The following NECAB1 variants were observed in gnomAD, a reference collection of about 807,000 sequenced individuals.
NECAB1 encodes the protein N-terminal EF-hand calcium-binding protein 1.
A neutral mutation model predicts 57.5 loss-of-function variants in NECAB1; 29 were observed. The observed-to-expected ratio is 0.50, with a 90% CI of 0.38 to 0.69. The LOEUF is 0.69. Ranked by LOEUF, NECAB1 falls within the 30% of genes least tolerant of loss-of-function variation. The probability of loss-of-function intolerance (pLI) is 0.00; values close to 1 mark genes in which losing one functional copy is unlikely to be tolerated. For synonymous variants in NECAB1, 142 were observed against 147.7 expected, an observed-to-expected ratio of 0.96 and a Z score of 0.28; for missense variants, 372 against 413.8, an observed-to-expected ratio of 0.90 and a Z score of 0.88.
intron 5 of NECAB1, among the ~76,000 whole-genome samples, chr8:90,896,487 C>T (rs947729132): frequency 1.1e-4 from 16 of 152,060 alleles, no homozygotes; most frequent in Admixed American, 3.3e-4. Context: ...TGCCTGTAGT[C>T]CCAGCTACTC....
chr8:90,877,954 C>A (rs768651968), intron 4 of NECAB1, among the ~76,000 whole-genome samples: 1 of 152,124 alleles, frequency 6.6e-6, no homozygotes, highest in African/African-American at 2.4e-5. Context: ...AGGTTAAGTC[C>A]TATTCATCTG....
chr8:90,842,042 G>C (rs371454824), intron 3 of NECAB1, among the ~76,000 whole-genome samples: 1 of 152,278 alleles, frequency 6.6e-6, no homozygotes, highest in South Asian at 2.1e-4. Context: ...GGGAGGGTGA[G>C]GGTGAGAGGA....
intron 1 of NECAB1, among the ~76,000 whole-genome samples, chr8:90,792,993 G>T (rs988228636): frequency 1.3e-5 from 2 of 152,140 alleles, no homozygotes; most frequent in African/African-American, 4.8e-5. Context: ...AGGCATGATA[G>T]AAAATGTCAA....
intron 3 of NECAB1, among the ~76,000 whole-genome samples, chr8:90,848,460 C>CA (rs1812610478): frequency 6.6e-6 from 1 of 152,170 alleles, no homozygotes; most frequent in African/African-American, 2.4e-5. Flanking sequence ...GGTATCTTTA[C>CA]AGCAGCACCC....
At chr8:90,942,129 A>G (rs1018570649) in intron 10 of NECAB1, among the ~76,000 whole-genome samples, 8 of 152,216 alleles carry the variant, frequency 5.3e-5, no homozygotes, top group Non-Finnish European at 4.4e-5. Context: ...GGAAATAAAC[A>G]TGGAATTTTA....
At chr8:90,847,710 C>T (rs1225689831) in intron 3 of NECAB1, among the ~76,000 whole-genome samples, 2 of 152,258 alleles carry the variant, frequency 1.3e-5, no homozygotes, top group African/African-American at 2.4e-5. Flanking sequence ...ACAGGCCCAA[C>T]ACCACATGTA....
intron 3 of NECAB1, among the ~76,000 whole-genome samples, chr8:90,852,173 T>C (rs1812696406): frequency 6.6e-6 from 1 of 152,220 alleles, no homozygotes; most frequent in Non-Finnish European, 1.5e-5. Context: ...ATTATATGAA[T>C]GTCCATTAAG....
chr8:90,928,819 T>A (rs1810337960), intron 8 of NECAB1, among the ~76,000 whole-genome samples: 1 of 152,222 alleles, frequency 6.6e-6, no homozygotes, highest in Admixed American at 6.5e-5. Flanking sequence ...GCAAGCAAGT[T>A]AGAATGTGAT....
intron 8 of NECAB1, among the ~76,000 whole-genome samples, chr8:90,930,299 CAG>C (rs368464017): frequency 3.5e-4 from 54 of 152,228 alleles, no homozygotes; most frequent in African/African-American, 1.2e-3. Flanking sequence ...GGGTTAAGAA[CAG>C]GGGGAGCTCA....
intron 3 of NECAB1, among the ~76,000 whole-genome samples, chr8:90,857,255 T>C (rs918280882): frequency 6.6e-6 from 1 of 152,122 alleles, no homozygotes; most frequent in African/African-American, 2.4e-5. Flanking sequence ...ACATAAGGCA[T>C]CTAAGAGGAT....
chr8:90,896,991 C>A (rs1809367407), intron 5 of NECAB1, among the ~76,000 whole-genome samples: 1 of 152,276 alleles, frequency 6.6e-6, no homozygotes, highest in South Asian at 2.1e-4. Flanking sequence ...GGGATAAGAA[C>A]CCCTTGCCCT....
At chr8:90,833,733 T>C (rs1254460059) in intron 3 of NECAB1, among the ~76,000 whole-genome samples, 1 of 152,184 alleles carries the variant, frequency 6.6e-6, no homozygotes, top group Admixed American at 6.5e-5. Flanking sequence ...CCCCAATCTC[T>C]CTAAAATACA....
At chr8:90,871,964 C>T (rs1808629024) in intron 3 of NECAB1, among the ~76,000 whole-genome samples, 164 bp from the exon 4 acceptor site, 1 of 152,064 alleles carries the variant, frequency 6.6e-6, no homozygotes, top group Non-Finnish European at 1.5e-5. Context: ...TGTTAATTGA[C>T]CTAAGACTAT....
At chr8:90,859,035 C>T (rs1455658021) in intron 3 of NECAB1, 1 of 152,120 alleles carries the variant, frequency 6.6e-6, no homozygotes, top group Non-Finnish European at 1.5e-5. Flanking sequence ...CTCCCACTGT[C>T]TAGTACCCAT....
chr8:90,955,585 T>C lies in NECAB1; in HGVS notation c.*73T>C, dbSNP rs1811016815. ...CTTATCTAAAACGTCAATTAGAAAA[T>C]TATCTGCGGTTGTTAATCTACTGTA... On this transcript the variant is annotated 3_prime_UTR_variant, in exon 13 of 13. Transcript: ENST00000417640. The C allele has an allele frequency of 3.5e-6, 4 of 1,145,384 alleles. No individual in the cohort carries two copies. The East Asian group carries it at 1.1e-4, about 31-fold the overall frequency. The allele number at this position is 1,145,384 out of a possible 1,614,324, so 71.0% of individuals were successfully genotyped here.
At chr8:90,905,781 CT>C (rs1809626232) in intron 5 of NECAB1, among the ~76,000 whole-genome samples, 1 of 152,162 alleles carries the variant, frequency 6.6e-6, no homozygotes, top group Non-Finnish European at 1.5e-5. Context: ...TCTGTCACTT[CT>C]ATTTCATATT....
chr8:90,935,458 C>G (rs1381737768), intron 9 of NECAB1, among the ~76,000 whole-genome samples: 1 of 152,022 alleles, frequency 6.6e-6, no homozygotes, highest in African/African-American at 2.4e-5. Context: ...TCCTCAAGAC[C>G]CCAACATTTT....
At chr8:90,925,336 T>C (rs1467047012) in intron 6 of NECAB1, among the ~76,000 whole-genome samples, 199 bp from the exon 7 acceptor site, 5 of 152,204 alleles carry the variant, frequency 3.3e-5, no homozygotes, top group African/African-American at 1.2e-4. Context: ...TAAAGAAAGC[T>C]CAGAATTCTC....
At chr8:90,809,569 G>A (rs767523903) in intron 2 of NECAB1, among the ~76,000 whole-genome samples, 4 of 152,164 alleles carry the variant, frequency 2.6e-5, no homozygotes, top group Non-Finnish European at 4.4e-5. Context: ...AGAGATGAAG[G>A]CATTTACTGA....
Sources: gnomAD v4.1 joint callset for allele counts (sites outside exome capture counted in the v4.1 genomes callset) on GRCh38, gnomAD v4.1.1 for gene constraint, MANE v1.5 for transcripts, NCBI Gene and HGNC (gene_info 2026-07-23, HGNC 2026-07-21) for gene names.